The following EYS variants were observed in gnomAD, a reference collection of about 807,000 sequenced individuals.
The protein encoded by EYS is EGF-like photoreceptor maintenance factor.
In EYS, 250 loss-of-function variants were observed where a neutral mutation model predicts 282.1. That is an observed-to-expected ratio of 0.89 (90% CI 0.80 to 0.98). The LOEUF (loss-of-function observed/expected upper bound fraction) is 0.98. Ranked by LOEUF, EYS falls within the 50% of genes least tolerant of loss-of-function variation. EYS has a pLI of 0.00. For synonymous variants in EYS, 1,355 were observed against 1,282.9 expected (o/e 1.06, Z -1.20); for missense variants, 4,016 against 3,709.0 (o/e 1.08, Z -2.15).
chr6:64,142,188 C>T (rs1316087950), intron 31 of EYS, among the ~76,000 whole-genome samples: 3 of 151,788 alleles, frequency 2.0e-5, no homozygotes, highest in East Asian at 1.9e-4. Flanking sequence ...TGAGCAGCCC[C>T]CCGTTTATGG....
chr6:64,483,953 G>A (rs938303712), intron 26 of EYS, among the ~76,000 whole-genome samples: 5 of 151,646 alleles, frequency 3.3e-5, no homozygotes, highest in Non-Finnish European at 7.4e-5. Context: ...AACTCAGCTA[G>A]TGTTTGCAAC....
At chr6:64,304,317 G>A (rs1769354334) in intron 30 of EYS, among the ~76,000 whole-genome samples, 1 of 152,136 alleles carries the variant, frequency 6.6e-6, no homozygotes, top group African/African-American at 2.4e-5. Flanking sequence ...ATTTAAGGGA[G>A]AAATAGACAA....
chr6:64,570,762 C>T (rs749305069), intron 26 of EYS, among the ~76,000 whole-genome samples: 1 of 152,124 alleles, frequency 6.6e-6, no homozygotes, highest in Non-Finnish European at 1.5e-5. Flanking sequence ...ACACCCAATA[C>T]AGGAGCACCA....
intron 2 of EYS, among the ~76,000 whole-genome samples, chr6:65,572,448 G>T (rs1039428696): frequency 1.1e-4 from 16 of 152,066 alleles, no homozygotes; most frequent in African/African-American, 3.9e-4. Context: ...AAAATTAAAT[G>T]ATAAGCCACA....
chr6:64,958,827 T>A (rs1769815340), intron 14 of EYS, among the ~76,000 whole-genome samples: 3 of 151,688 alleles, frequency 2.0e-5, no homozygotes, highest in South Asian at 4.2e-4. Flanking sequence ...CATTTTATAT[T>A]TCATAAACAT....
intron 19 of EYS, among the ~76,000 whole-genome samples, chr6:64,839,449 TACAGGGAAAA>T (rs1181774681): frequency 6.6e-6 from 1 of 152,046 alleles, no homozygotes; most frequent in Non-Finnish European, 1.5e-5. Context: ...AGTACAAATT[TACAGGGAAAA>T]TAAGCTTATT....
At chr6:64,517,479 T>C (rs1777596817) in intron 26 of EYS, among the ~76,000 whole-genome samples, 1 of 151,822 alleles carries the variant, frequency 6.6e-6, no homozygotes, top group Non-Finnish European at 1.5e-5. Flanking sequence ...GAAACTTCAG[T>C]AACCAAACTA....
chr6:63,832,726 A>T (rs1388546063), intron 36 of EYS, among the ~76,000 whole-genome samples: 3 of 152,206 alleles, frequency 2.0e-5, no homozygotes, highest in African/African-American at 7.2e-5. Context: ...TGAGGCCAAC[A>T]TCATCCTCAT....
At chr6:65,082,606 T>C (rs1774257709) in intron 12 of EYS, among the ~76,000 whole-genome samples, 1 of 151,996 alleles carries the variant, frequency 6.6e-6, no homozygotes, top group Non-Finnish European at 1.5e-5. Context: ...ACTGGCAAAA[T>C]TATTGCATTG....
At chr6:64,673,425 T>C (rs1176598976) in intron 22 of EYS, among the ~76,000 whole-genome samples, 1 of 152,146 alleles carries the variant, frequency 6.6e-6, no homozygotes, top group Non-Finnish European at 1.5e-5. Context: ...ACTATTTGAA[T>C]ACATTATCTC....
chr6:65,063,609 A>G (rs1773645078), intron 12 of EYS, among the ~76,000 whole-genome samples: 1 of 152,068 alleles, frequency 6.6e-6, no homozygotes, highest in African/African-American at 2.4e-5. Context: ...GAAAGTCAAT[A>G]CTTTCACCAA....
At chr6:65,680,839 C>T (rs1768787934) in intron 1 of EYS, among the ~76,000 whole-genome samples, 1 of 151,978 alleles carries the variant, frequency 6.6e-6, no homozygotes, top group Non-Finnish European at 1.5e-5. Context: ...ATTCAATTCT[C>T]ACACTCTACC....
intron 1 of EYS, among the ~76,000 whole-genome samples, chr6:65,673,426 C>T (rs1156447471): frequency 6.6e-6 from 1 of 151,964 alleles, no homozygotes; most frequent in Non-Finnish European, 1.5e-5. Context: ...AACTGAGAAA[C>T]TAAACAGAAG....
chr6:64,604,789 A>G (rs1446568931), intron 24 of EYS, among the ~76,000 whole-genome samples: 2 of 152,034 alleles, frequency 1.3e-5, no homozygotes, highest in South Asian at 2.1e-4. Context: ...TAGTCTATCC[A>G]AAAGAAGGTG....
chr6:65,147,346 A>G (rs1473344046), intron 12 of EYS, among the ~76,000 whole-genome samples: 1 of 151,994 alleles, frequency 6.6e-6, no homozygotes, highest in African/African-American at 2.4e-5. Context: ...AATGGAACAT[A>G]TTTTTTATAT....
At chr6:65,434,922 T>C (rs1395613327) in intron 5 of EYS, among the ~76,000 whole-genome samples, 2 of 152,044 alleles carry the variant, frequency 1.3e-5, no homozygotes, top group Non-Finnish European at 2.9e-5. Flanking sequence ...CTACTATTCC[T>C]AGTATTCTTA....
At position 64,307,878 on chromosome 6, in the gene EYS, AAATT is replaced by A. The variant is rs1769513730; in HGVS notation, c.6079-800_6079-797del. Among the ~76,000 whole-genome samples, 3 of 152,064 alleles carry A rather than the reference AAATT, an allele frequency of 2.0e-5. No individual in the cohort carries two copies. In the South Asian group the frequency reaches 6.2e-4, roughly 31 times the overall value. ...ATATATACAATAAAATTTATTTTAAAAATTAGTAGGAAAGAATGTCACCTTATTC... is the reference window on the plus strand; with the variant it reads ...ATATATACAATAAAATTTATTTTAAAAGTAGGAAAGAATGTCACCTTATTC... On this transcript the variant is annotated intron_variant, in intron 29 of 42. Transcript: ENST00000503581.
chr6:65,498,325 T>C lies in EYS; in HGVS notation c.-332-2332A>G, dbSNP rs1766327105. ...CCTGTAAATCACAAATTTACAGTAG[T>C]AGCAACCTGCACAGGTGTATTATTT... On this transcript the variant is annotated intron_variant, in intron 2 of 42. Transcript: ENST00000503581. 2.6e-5 allele frequency among the ~76,000 whole-genome samples: 4 copies of C among 152,184 alleles called. 1 individual carries two copies. The South Asian group carries it at 8.3e-4, about 32-fold the overall frequency.
chr6:64,687,485 T>C (rs1007575102), intron 22 of EYS, among the ~76,000 whole-genome samples: 2 of 152,090 alleles, frequency 1.3e-5, no homozygotes, highest in Non-Finnish European at 2.9e-5. Context: ...AATCATGTGG[T>C]TTTTGTCATT....
Sources: allele counts gnomAD v4.1 joint callset (sites outside exome capture counted in the v4.1 genomes callset), GRCh38; gene constraint gnomAD v4.1.1; transcripts MANE v1.5; gene names NCBI Gene and HGNC (gene_info 2026-07-23, HGNC 2026-07-21).